Variants in SOX6 observed in about 807,000 individuals in gnomAD.
SOX6 encodes transcription factor SOX-6.
In SOX6, 11 loss-of-function variants were observed where a neutral mutation model predicts 97.8. The observed-to-expected ratio is 0.11, with a 90% CI of 0.07 to 0.19. The LOEUF (loss-of-function observed/expected upper bound fraction) is 0.19, where lower values mean the gene tolerates loss of function less well. Among genes scored for constraint, SOX6 ranks in the 10% least tolerant of loss-of-function variants. SOX6 has a pLI of 1.00. For synonymous variants in SOX6, 360 were observed against 371.4 expected, an observed-to-expected ratio of 0.97 and a Z score of 0.35; for missense variants, 810 against 1,039.5, an observed-to-expected ratio of 0.78 and a Z score of 3.04.
chr11:15,976,440 T>C (rs1352820177), intron 15 of SOX6, among the ~76,000 whole-genome samples: 1 of 152,180 alleles, frequency 6.6e-6, no homozygotes, highest in Non-Finnish European at 1.5e-5. Flanking sequence ...AGCATTACAT[T>C]ATAGAGTAGA....
chr11:16,275,490 A>AAC (rs1854373671), intron 3 of SOX6, among the ~76,000 whole-genome samples: 1 of 146,054 alleles, frequency 6.8e-6, no homozygotes, highest in African/African-American at 2.4e-5. Flanking sequence ...AACAAAACAA[A>AAC]AAAACACCTC....
At chr11:16,326,417 C>G (rs1856093275) in intron 2 of SOX6, among the ~76,000 whole-genome samples, 1 of 152,074 alleles carries the variant, frequency 6.6e-6, no homozygotes, top group African/African-American at 2.4e-5. Context: ...ATTGTTCCCT[C>G]CATGTCACAT....
At chr11:16,397,225 A>T (rs1229885769) in intron 1 of SOX6, among the ~76,000 whole-genome samples, 1 of 151,402 alleles carries the variant, frequency 6.6e-6, no homozygotes, top group Non-Finnish European at 1.5e-5. Context: ...CTAATCATGT[A>T]TTTTTATAAA....
chr11:16,426,966 A>G (rs1478787666), intron 1 of SOX6, among the ~76,000 whole-genome samples: 1 of 151,730 alleles, frequency 6.6e-6, no homozygotes, highest in African/African-American at 2.4e-5. Context: ...CATATACAAA[A>G]ATTAATTCAA....
intron 2 of SOX6, among the ~76,000 whole-genome samples, chr11:16,335,654 A>C (rs1196975978): frequency 6.6e-6 from 1 of 152,210 alleles, no homozygotes; most frequent in East Asian, 1.9e-4. Flanking sequence ...GTCTGTCATA[A>C]CAGCATGACT....
rs1442386905 is a variant in SOX6, at chr11:15,968,661, G to GTGA, written c.*4145_*4147dup. ...AGCAGCCTTTAATTTCAGCCCTAGA[G>GTGA]TGATCACGCCCTTTTCAAACACCCT... On this transcript the variant is annotated 3_prime_UTR_variant, in exon 16 of 16. Coordinates refer to ENST00000683767, the MANE Select transcript of SOX6 (RefSeq NM_001367873.1). The GTGA allele has an allele frequency of 1.3e-5, 2 of 152,272 alleles. No individual in the cohort carries two copies. Among genetic ancestry groups the GTGA allele is most frequent in the African/African-American group, 4.8e-5 (2 of 41,458 alleles). 9.4% of individuals were successfully genotyped at this position (152,272 alleles called of 1,614,324 possible). A position where few individuals can be genotyped will look rare whatever the true frequency, so the allele number is the denominator to read the frequency against.
intron 1 of SOX6, among the ~76,000 whole-genome samples, chr11:16,415,804 G>C (rs1858914282): frequency 6.6e-6 from 1 of 152,082 alleles, no homozygotes; most frequent in South Asian, 2.1e-4. Context: ...CAATCTAAAT[G>C]GCATGTCATT....
chr11:16,449,277 C>CTTTTTTTTTTTTTTTT lies in SOX6; in HGVS notation c.-5+27022_-5+27037dup, dbSNP rs10611823. Reference sequence around the variant, plus strand: ...AGTGTAAAATTATAAAATGCTCCTTCTTTTTTTTTTTTTTTTTTTTTTTTT... The same window carrying CTTTTTTTTTTTTTTTT: ...AGTGTAAAATTATAAAATGCTCCTTCTTTTTTTTTTTTTTTTTTTTTTTTTTTTTTTTTTTTTTTTT... On this transcript the variant is annotated intron_variant, in intron 1 of 15. Transcript: ENST00000396356. Among the ~76,000 whole-genome samples, 4 of 62,938 alleles carry CTTTTTTTTTTTTTTTT rather than the reference C, an allele frequency of 6.4e-5. 2 individuals carry two copies. The highest frequency in any genetic ancestry group is 2.9e-4 in the African/African-American group (4 of 13,958). The allele number at this position is 62,938 out of a possible 152,430, so 41.3% of individuals were successfully genotyped here. A position where few individuals can be genotyped will look rare whatever the true frequency, so the allele number is the denominator to read the frequency against.
At chr11:16,508,622 TA>T (rs113250792) in intron 4 of SOX6, among the ~76,000 whole-genome samples, 10 of 148,998 alleles carry the variant, frequency 6.7e-5, no homozygotes, top group South Asian at 2.1e-4. Flanking sequence ...ACATGAGAGG[TA>T]AAAAAAAAAT....
At chr11:16,378,034 G>A (rs976543037) in intron 1 of SOX6, among the ~76,000 whole-genome samples, 5 of 152,118 alleles carry the variant, frequency 3.3e-5, no homozygotes, top group Non-Finnish European at 5.9e-5. Flanking sequence ...CTCCACAGAT[G>A]TCATCATAAT....
intron 4 of SOX6, among the ~76,000 whole-genome samples, chr11:16,554,704 G>C (rs1042655544): frequency 1.3e-5 from 2 of 151,974 alleles, no homozygotes; most frequent in Non-Finnish European, 2.9e-5. Context: ...AGTTCCTTTT[G>C]TCCTTCTGCT....
At chr11:16,075,824 T>G (rs527739513) in intron 9 of SOX6, among the ~76,000 whole-genome samples, 1 of 151,684 alleles carries the variant, frequency 6.6e-6, no homozygotes, top group Admixed American at 6.6e-5. Flanking sequence ...ATAAAGAAAT[T>G]CAAAAAAAGG....
intron 13 of SOX6, among the ~76,000 whole-genome samples, chr11:15,999,484 A>G (rs1854333187): frequency 6.6e-6 from 1 of 152,176 alleles, no homozygotes; most frequent in South Asian, 2.1e-4. Context: ...ACAATGGGAT[A>G]CTACTCAAAA....
At chr11:16,384,128 A>T (rs1451968032) in intron 1 of SOX6, among the ~76,000 whole-genome samples, 1 of 152,088 alleles carries the variant, frequency 6.6e-6, no homozygotes, top group Admixed American at 6.6e-5. Flanking sequence ...CATATATATT[A>T]TACCAAAATA....
chr11:16,368,013 A>G (rs1289591162), intron 1 of SOX6, among the ~76,000 whole-genome samples: 1 of 152,130 alleles, frequency 6.6e-6, no homozygotes, highest in Non-Finnish European at 1.5e-5. Flanking sequence ...TCAGGGACTT[A>G]CTGCATGTCT....
chr11:16,137,898 C>A (rs763272654), intron 6 of SOX6, among the ~76,000 whole-genome samples: 7 of 152,256 alleles, frequency 4.6e-5, no homozygotes, highest in Admixed American at 1.3e-4. Flanking sequence ...CTCCTGCCAC[C>A]CTGTGAAGAT....
At chr11:16,096,235 G>C in intron 8 of SOX6, 117 bp from the exon 9 acceptor site, 3 of 1,234,534 alleles carry the variant, frequency 2.4e-6, no homozygotes, top group Non-Finnish European at 3.4e-6. Context: ...ATAGAAAGTA[G>C]AAAGTTTAAG....
intron 4 of SOX6, chr11:16,484,464 A>G (rs531534008): frequency 5.2e-5 from 42 of 807,118 alleles, no homozygotes; most frequent in African/African-American, 2.5e-4. Context: ...AGCTCCTCGC[A>G]CTTCACCACC....
At chr11:16,002,930 G>T (rs2119914713) in intron 13 of SOX6, among the ~76,000 whole-genome samples, 1 of 152,256 alleles carries the variant, frequency 6.6e-6, no homozygotes, top group East Asian at 1.9e-4. Context: ...GATTGCCTTA[G>T]CCTTCACTAT....
Sources: allele counts gnomAD v4.1 joint callset (sites outside exome capture counted in the v4.1 genomes callset), GRCh38; gene constraint gnomAD v4.1.1; transcripts MANE v1.5; gene names NCBI Gene and HGNC (gene_info 2026-07-23, HGNC 2026-07-21).